SNX3: variants seen among roughly 807,000 people sequenced by gnomAD.
SNX3 encodes the protein sorting nexin 3.
In SNX3, 5 loss-of-function variants were observed where a neutral mutation model predicts 17.7. The observed-to-expected ratio is 0.28, with a 90% confidence interval of 0.15 to 0.59. The LOEUF (loss-of-function observed/expected upper bound fraction) is 0.59, where lower values mean the gene tolerates loss of function less well. Ranked by LOEUF, SNX3 falls within the 20% of genes least tolerant of loss-of-function variation. The pLI is 0.88. For missense variants in SNX3, 132 were observed against 206.8 expected (o/e 0.64, Z 2.22); for synonymous variants, 91 against 76.5 (o/e 1.19, Z -0.99).
At chr6:108,221,347 C>T (rs528129826) in intron 2 of SNX3, among the ~76,000 whole-genome samples, 1 of 151,704 alleles carries the variant, frequency 6.6e-6, no homozygotes. Context: ...TTCAACAACC[C>T]CCTCCCCCGC....
At chr6:108,226,851 A>G (rs1774986907) in intron 1 of SNX3, among the ~76,000 whole-genome samples, 1 of 152,242 alleles carries the variant, frequency 6.6e-6, no homozygotes, top group Non-Finnish European at 1.5e-5. Context: ...AACAGTGTAT[A>G]GGTTTCAAGC....
chr6:108,229,195 G>C (rs896594767), intron 1 of SNX3, among the ~76,000 whole-genome samples: 1 of 150,244 alleles, frequency 6.7e-6, no homozygotes, highest in East Asian at 1.9e-4. Context: ...GGGAGGCGGA[G>C]GTTGCAGTGA....
At chr6:108,218,661 T>A (rs1180330262) in intron 2 of SNX3, among the ~76,000 whole-genome samples, 1 of 152,132 alleles carries the variant, frequency 6.6e-6, no homozygotes, top group Non-Finnish European at 1.5e-5. Context: ...AAGCATACAA[T>A]AGGATATTAT....
intron 1 of SNX3, among the ~76,000 whole-genome samples, chr6:108,249,402 C>A (rs1382044724): frequency 1.1e-4 from 16 of 152,106 alleles, no homozygotes; most frequent in Non-Finnish European, 1.5e-5. Context: ...AGCCTGGCAA[C>A]AGAGCGAGAC....
At chr6:108,217,875 AG>A (rs1774637698) in intron 2 of SNX3, among the ~76,000 whole-genome samples, 1 of 152,238 alleles carries the variant, frequency 6.6e-6, no homozygotes, top group South Asian at 2.1e-4. Flanking sequence ...AAAGCAAACT[AG>A]AATAAAAGCT....
chr6:108,244,658 T>G (rs934257401), intron 1 of SNX3, among the ~76,000 whole-genome samples: 12 of 145,204 alleles, frequency 8.3e-5, no homozygotes, highest in Admixed American at 7.6e-4. Flanking sequence ...TTTTTTTTTT[T>G]TTTTTTTTTT....
intron 1 of SNX3, among the ~76,000 whole-genome samples, chr6:108,235,656 G>A (rs2114736075): frequency 6.6e-6 from 1 of 152,288 alleles, no homozygotes; most frequent in Non-Finnish European, 1.5e-5. Flanking sequence ...AGCATGTTGG[G>A]ATGCCGAGGT....
At chr6:108,226,745 C>A (rs1033569858) in intron 1 of SNX3, among the ~76,000 whole-genome samples, 41 of 152,130 alleles carry the variant, frequency 2.7e-4, no homozygotes, top group Admixed American at 1.6e-3. Context: ...GCCCTTAAAT[C>A]CATTTTGTAG....
intron 1 of SNX3, among the ~76,000 whole-genome samples, chr6:108,246,926 C>G (rs1775709878): frequency 6.6e-6 from 1 of 152,116 alleles, no homozygotes; most frequent in Admixed American, 6.5e-5. Context: ...GGGAAAAGAG[C>G]AGGTAGACTT....
At chr6:108,220,363 C>G (rs1461560338) in intron 2 of SNX3, among the ~76,000 whole-genome samples, 1 of 150,812 alleles carries the variant, frequency 6.6e-6, no homozygotes, top group Non-Finnish European at 1.5e-5. Flanking sequence ...ATCTTCCATG[C>G]TTTAAAAAAA....
chr6:108,234,215 G>A (rs1389636049), intron 1 of SNX3, among the ~76,000 whole-genome samples: 1 of 147,496 alleles, frequency 6.8e-6, no homozygotes, highest in African/African-American at 2.6e-5. Flanking sequence ...AGTAATCAAG[G>A]CAAAATTAAA....
chr6:108,239,205 T>C (rs1248633134), intron 1 of SNX3, among the ~76,000 whole-genome samples: 1 of 152,128 alleles, frequency 6.6e-6, no homozygotes, highest in Non-Finnish European at 1.5e-5. Flanking sequence ...GCCTAGCCCT[T>C]GACACCTTTT....
At chr6:108,219,275 A>T (rs568197368) in intron 2 of SNX3, among the ~76,000 whole-genome samples, 2 of 152,260 alleles carry the variant, frequency 1.3e-5, no homozygotes, top group South Asian at 4.1e-4. Context: ...CCAGTGTGCC[A>T]CATGGTATGT....
At chr6:108,226,769 T>C (rs989274786) in intron 1 of SNX3, among the ~76,000 whole-genome samples, 1 of 152,228 alleles carries the variant, frequency 6.6e-6, no homozygotes, top group Admixed American at 6.5e-5. Context: ...TCTCAATTTT[T>C]TCCTAAGTGT....
At chr6:108,219,122 C>T (rs1023444138) in intron 2 of SNX3, among the ~76,000 whole-genome samples, 3 of 152,222 alleles carry the variant, frequency 2.0e-5, no homozygotes, top group South Asian at 2.1e-4. Context: ...GAGGCCAAGG[C>T]GGGCGGATCA....
At chr6:108,215,991 C>T (rs1356189270) in intron 2 of SNX3, among the ~76,000 whole-genome samples, 1 of 152,058 alleles carries the variant, frequency 6.6e-6, no homozygotes, top group Non-Finnish European at 1.5e-5. Flanking sequence ...GATTAAATAG[C>T]ACCTAGCTAT....
chr6:108,246,313 C>CTTTTTTTTTTTT lies in SNX3; in HGVS notation c.162+14435_162+14446dup, dbSNP rs71015538. ...AATTCTTAAAAGAGCTTTGAGCATT[C>CTTTTTTTTTTTT]TTTTTTTTTTTTTTTTTTTTTTTTT... On this transcript the variant is annotated intron_variant, in intron 1 of 3. Transcript: ENST00000230085. Among the ~76,000 whole-genome samples the CTTTTTTTTTTTT allele has an allele frequency of 1.5e-4, 7 of 47,984 alleles. 2 individuals carry two copies. Among genetic ancestry groups the CTTTTTTTTTTTT allele is most frequent in the African/African-American group, 6.3e-4 (7 of 11,148 alleles). The allele number at this position is 47,984 out of a possible 152,430, so 31.5% of individuals were successfully genotyped here.
chr6:108,251,577 C>T (rs200995107), intron 1 of SNX3, among the ~76,000 whole-genome samples: 1 of 152,142 alleles, frequency 6.6e-6, no homozygotes, highest in Non-Finnish European at 1.5e-5. Flanking sequence ...AGCTGATAGT[C>T]AAGCCACAAT....
intron 1 of SNX3, among the ~76,000 whole-genome samples, chr6:108,234,647 T>C (rs934785513): frequency 5.3e-5 from 8 of 152,222 alleles, no homozygotes; most frequent in Admixed American, 4.6e-4. Context: ...AACATACATA[T>C]TGACTTGTAG....
Sources: allele counts gnomAD v4.1 joint callset (sites outside exome capture counted in the v4.1 genomes callset), GRCh38; gene constraint gnomAD v4.1.1; transcripts MANE v1.5; gene names NCBI Gene and HGNC (gene_info 2026-07-23, HGNC 2026-07-21).